The following TRIM26 variants were observed in gnomAD, a reference collection of about 807,000 sequenced individuals.
The protein encoded by TRIM26 is tripartite motif-containing protein 26.
TRIM26 carries 16 observed loss-of-function variants against 45.5 expected under a neutral mutation model. The ratio of observed to expected loss-of-function variants is 0.35; its 90% CI spans 0.24 to 0.53. The LOEUF is 0.53. Among genes scored for constraint, TRIM26 ranks in the 20% least tolerant of loss-of-function variants. The pLI, the probability that TRIM26 is intolerant of heterozygous loss-of-function variation, is 0.92. For synonymous variants in TRIM26, 273 were observed against 290.4 expected (o/e 0.94, Z 0.61); for missense variants, 442 against 691.1 (o/e 0.64, Z 4.04).
At position 30,186,032 on chromosome 6, in the gene TRIM26, T is replaced by C. The variant is rs1186200132; in HGVS notation, c.1464A>G (p.Arg488=). The change falls in exon 10 of 10, where the codon AGA becomes AGG. Residue 488 remains arginine (R), a synonymous_variant. Coordinates refer to ENST00000454678, the MANE Select transcript of TRIM26 (RefSeq NM_003449.5). This position sits in a 1 kb window ranked among gnomAD's most constrained non-coding sequence, Gnocchi z 7.4. ...AELFPALRPR[R]VGIALDYEGG... ...CTTCATAATCCAGGGCGATGCCCAC[T>C]CTCCGGGGCCGCAGTGCTGGGAAAA... 9.3e-6 allele frequency: 15 copies of C among 1,608,112 alleles called. No homozygotes were observed. Among genetic ancestry groups the C allele is most frequent in the Non-Finnish European group, 1.3e-5 (15 of 1,177,700 alleles).
In TRIM26 at chr6:30,190,208, AAAC is replaced by A. The variant is rs1266730047; in HGVS notation, c.766-176_766-174del. The A allele has an allele frequency of 1.0e-4, 72 of 696,598 alleles. No homozygotes were observed. The African/African-American group carries it at 1.2e-3, about 12-fold the overall frequency. The allele number at this position is 696,598 out of a possible 1,614,324, so 43.2% of individuals were successfully genotyped here. A position where few individuals can be genotyped will look rare whatever the true frequency, so the allele number is the denominator to read the frequency against. On this transcript the variant is annotated intron_variant, in intron 6 of 9. Transcript: ENST00000454678. This position sits in a 1 kb window ranked among gnomAD's most constrained non-coding sequence, Gnocchi z 4.3. ...TCACTGCATAAAACAACAAGAAAAC[AAAC>A]AAAATCGGCACAATGACAGAAGCCA...
intron 2 of TRIM26, among the ~76,000 whole-genome samples, chr6:30,201,772 C>T (rs1230722892): frequency 6.6e-6 from 1 of 151,546 alleles, no homozygotes; most frequent in Non-Finnish European, 1.5e-5. Flanking sequence ...CACCTCAACC[C>T]GGGAGGCAGA....
chr6:30,189,604 C>T lies in TRIM26; in HGVS notation c.789-71G>A. 4 of 1,295,278 alleles carry T rather than the reference C, an allele frequency of 3.1e-6. No homozygotes were observed. Among genetic ancestry groups the T allele is most frequent in the Non-Finnish European group, 3.3e-6 (3 of 898,034 alleles). The allele number at this position is 1,295,278 out of a possible 1,614,324, so 80.2% of individuals were successfully genotyped here. ...CTTTCCTTCATACTTATCTCTCAAT[C>T]CTCATGGCAATTATGAAGGGGAGAG... On this transcript the variant is annotated intron_variant, in intron 7 of 9. Coordinates refer to ENST00000454678, the MANE Select transcript of TRIM26 (RefSeq NM_003449.5). This position sits in a 1 kb window ranked among gnomAD's most constrained non-coding sequence, Gnocchi z 5.0.
At chr6:30,213,138 A>T (rs1012975377) in intron 1 of TRIM26, among the ~76,000 whole-genome samples, 167 bp downstream of exon 1, 2 of 152,176 alleles carry the variant, frequency 1.3e-5, no homozygotes, top group African/African-American at 4.8e-5. Flanking sequence ...AACAGGAGGG[A>T]TCTGGCTGGC....
In TRIM26 at chr6:30,196,811, A is replaced by C; in HGVS notation, c.535-65T>G. On this transcript the variant is annotated intron_variant, in intron 5 of 9. Transcript: ENST00000454678. The surrounding 1 kb of genome is among the most constrained non-coding windows in gnomAD (Gnocchi z 4.9). ...CTCAGGGTGGAGGGCCCAGTGCTGG[A>C]GGTGTGCAAGGCTGGCTCGTTCACC... The C allele has an allele frequency of 6.5e-7, 1 of 1,544,756 alleles. No homozygotes were observed. Among genetic ancestry groups the C allele is most frequent in the Non-Finnish European group, 8.9e-7 (1 of 1,123,390 alleles).
At chr6:30,191,895 G>C (rs1408096486) in intron 6 of TRIM26, among the ~76,000 whole-genome samples, 4 of 152,262 alleles carry the variant, frequency 2.6e-5, no homozygotes, top group African/African-American at 9.6e-5. Context: ...AAGAGCAAAT[G>C]AATGGAGCAG....
intron 6 of TRIM26, among the ~76,000 whole-genome samples, chr6:30,192,278 G>C (rs2284165): frequency 0.79 from 120,653 of 152,118 alleles, 48,052 homozygotes; most frequent in East Asian, 0.89. Context: ...CGGTTACTAA[G>C]AGAGAGCATC....
chr6:30,191,817 C>T (rs995256234), intron 6 of TRIM26, among the ~76,000 whole-genome samples: 3 of 152,212 alleles, frequency 2.0e-5, no homozygotes, highest in African/African-American at 7.2e-5. Flanking sequence ...AAGTCCAAGG[C>T]GGCTTCAGAG....
chr6:30,210,348 C>T (rs34592461), intron 1 of TRIM26, among the ~76,000 whole-genome samples: 1 of 152,186 alleles, frequency 6.6e-6, no homozygotes, highest in East Asian at 1.9e-4. Flanking sequence ...ACAGCCCCTT[C>T]TTCACTCCCC....
Position 30,186,077 on chromosome 6 carries a change from G to A in TRIM26, c.1419C>T (p.Asn473=). 1 of 1,596,296 alleles carries A rather than the reference G, an allele frequency of 6.3e-7. No homozygotes were observed. The highest frequency in any genetic ancestry group is 1.1e-5 in the South Asian group (1 of 88,734). ...LRLSSSGIWA[N]TSPEAELFPA... ...GGAAAAGCTCAGCCTCGGGGCTGGTGTTGGCCCAGATGCCGGAGGAGGAGA... is the reference window on the plus strand; with the variant it reads ...GGAAAAGCTCAGCCTCGGGGCTGGTATTGGCCCAGATGCCGGAGGAGGAGA... Residue 473 remains asparagine, a synonymous_variant, in exon 10 of 10, where the codon AAC becomes AAT. Transcript: ENST00000454678. The surrounding 1 kb of genome is among the most constrained non-coding windows in gnomAD (Gnocchi z 7.4).
intron 1 of TRIM26, among the ~76,000 whole-genome samples, chr6:30,211,258 C>G (rs911579876): frequency 2.0e-5 from 3 of 152,312 alleles, no homozygotes; most frequent in Admixed American, 6.5e-5. Flanking sequence ...TATCTCTTGG[C>G]CTCCCTCCAC....
intron 1 of TRIM26, among the ~76,000 whole-genome samples, chr6:30,211,375 T>C (rs3130384): frequency 0.42 from 64,564 of 152,078 alleles, 13,874 homozygotes; most frequent in Non-Finnish European, 0.45. Context: ...CTCAAACCAA[T>C]TTCCCATTCT....
In TRIM26 at chr6:30,186,645, A is replaced by G; in HGVS notation, c.938-87T>C. ...GAGGGAATAAAATTTATTTTGGCAG[A>G]TAGCGTTAAACAAAATTAAAGTTGC... On this transcript the variant is annotated intron_variant, in intron 9 of 9. Transcript: ENST00000454678. The surrounding 1 kb of genome is among the most constrained non-coding windows in gnomAD (Gnocchi z 7.4). 7.0e-7 allele frequency: 1 copy of G among 1,429,872 alleles called. No individual in the cohort carries two copies. The highest frequency in any genetic ancestry group is 9.2e-7 in the Non-Finnish European group (1 of 1,087,694). The allele number at this position is 1,429,872 out of a possible 1,614,324, so 88.6% of individuals were successfully genotyped here.
chr6:30,198,563 G>C lies in TRIM26; in HGVS notation c.439-39C>G, dbSNP rs1368181635. 6.2e-7 allele frequency: 1 copy of C among 1,612,304 alleles called. No individual in the cohort carries two copies. The highest frequency in any genetic ancestry group is 2.2e-5 in the East Asian group (1 of 44,862). ...AGCAGTGGCAACAGGTGGATGCTCT[G>C]GGCTGGGGCAGGAAGGGAGACTCAG... On this transcript the variant is annotated intron_variant, in intron 4 of 9. Transcript: ENST00000454678. The surrounding 1 kb of genome is among the most constrained non-coding windows in gnomAD (Gnocchi z 6.3).
chr6:30,199,155 T>C lies in TRIM26; in HGVS notation c.-52A>G, dbSNP rs866740529. On this transcript the variant is annotated 5_prime_UTR_variant, in exon 4 of 10. Transcript: ENST00000454678. ...GTTCACTGGTGAGGACTTCTTCTCC[T>C]TGGAGACGCGACATAGAGTCAGGAG... 5.3e-6 allele frequency: 8 copies of C among 1,502,868 alleles called. No homozygotes were observed. In the African/African-American group the frequency reaches 9.8e-5, roughly 18 times the overall value. The allele number at this position is 1,502,868 out of a possible 1,614,324, so 93.1% of individuals were successfully genotyped here. A position where few individuals can be genotyped will look rare whatever the true frequency, so the allele number is the denominator to read the frequency against.
intron 9 of TRIM26, chr6:30,188,320 G>T: frequency 1.7e-6 from 1 of 580,544 alleles, no homozygotes; most frequent in Non-Finnish European, 2.7e-6. Context: ...AGCATTCAGG[G>T]TCTCTGTAAA....
At chr6:30,203,747 C>A (rs1321940902) in intron 2 of TRIM26, among the ~76,000 whole-genome samples, 1 of 151,748 alleles carries the variant, frequency 6.6e-6, no homozygotes, top group African/African-American at 2.4e-5. Context: ...GCAATGGATG[C>A]TGTAGTATTT....
intron 6 of TRIM26, among the ~76,000 whole-genome samples, chr6:30,194,770 G>A (rs1193300164): frequency 6.6e-6 from 1 of 152,078 alleles, no homozygotes; most frequent in African/African-American, 2.4e-5. Context: ...CAGGAGAATC[G>A]CTTGAACCCA....
intron 9 of TRIM26, among the ~76,000 whole-genome samples, chr6:30,187,847 G>A (rs1775351765): frequency 6.9e-6 from 1 of 145,470 alleles, no homozygotes; most frequent in South Asian, 2.2e-4. Context: ...GAACCTGGGA[G>A]GCGGGGCTCG....
Sources: allele counts gnomAD v4.1 joint callset (sites outside exome capture counted in the v4.1 genomes callset), GRCh38; gene constraint gnomAD v4.1.1; non-coding constraint Gnocchi (gnomAD v3.1); transcripts MANE v1.5; gene names NCBI Gene and HGNC (gene_info 2026-07-23, HGNC 2026-07-21).